The following LRRC37A2 variants were observed in gnomAD, a reference collection of about 807,000 sequenced individuals.
LRRC37A2 encodes leucine rich repeat containing 37 member A2, also known as leucine-rich repeat-containing protein 37A2.
LRRC37A2 carries 9 observed loss-of-function variants against 68.8 expected under a neutral mutation model. The ratio of observed to expected loss-of-function variants is 0.13; its 90% CI spans 0.08 to 0.23. The LOEUF is 0.23. Among genes scored for constraint, LRRC37A2 ranks in the 10% least tolerant of loss-of-function variants. The pLI, the probability that LRRC37A2 is intolerant of heterozygous loss-of-function variation, is 1.00. For synonymous variants in LRRC37A2, 63 were observed against 367.6 expected (o/e 0.17, Z 9.48); for missense variants, 168 against 950.4 (o/e 0.18, Z 10.82).
the LRRC37A2 span, among the ~76,000 whole-genome samples, chr17:46,977,196 C>A: frequency 6.6e-6 from 1 of 152,196 alleles, no homozygotes; most frequent in African/African-American, 2.4e-5. Flanking sequence ...GCCAAATACA[C>A]GGGATCGCAT....
chr17:47,005,801 GCATC>G, the LRRC37A2 span: 1 of 152,134 alleles, frequency 6.6e-6, no homozygotes, highest in Non-Finnish European at 1.5e-5. Context: ...TAAGAAAATA[GCATC>G]AAAGCCTCAG....
At chr17:46,907,654 T>C in the LRRC37A2 span, among the ~76,000 whole-genome samples, 2 of 118,226 alleles carry the variant, frequency 1.7e-5, no homozygotes, top group South Asian at 5.5e-4. Flanking sequence ...CTGGGCAACA[T>C]AGTGAAACCT....
At chr17:46,879,434 C>T in the LRRC37A2 span, among the ~76,000 whole-genome samples, 1 of 152,220 alleles carries the variant, frequency 6.6e-6, no homozygotes, top group Non-Finnish European at 1.5e-5. Context: ...AGGCCCCCTT[C>T]TTCTGCTCTG....
the LRRC37A2 span, among the ~76,000 whole-genome samples, chr17:46,569,071 T>C: frequency 9.2e-5 from 13 of 141,912 alleles, no homozygotes; most frequent in Non-Finnish European, 1.4e-4. Context: ...GCCTCCCGAG[T>C]AGCTGGGATT....
chr17:46,680,356 A>G, the LRRC37A2 span, among the ~76,000 whole-genome samples: 1 of 150,816 alleles, frequency 6.6e-6, no homozygotes, highest in Non-Finnish European at 1.5e-5. Context: ...ATCAGAGGGG[A>G]GTAATAGGCT....
At chr17:46,863,038 G>T in the LRRC37A2 span, among the ~76,000 whole-genome samples, 1 of 152,254 alleles carries the variant, frequency 6.6e-6, no homozygotes. Flanking sequence ...CCCCACAGGG[G>T]CTGAGGACCA....
chr17:46,956,122 T>C, the LRRC37A2 span, among the ~76,000 whole-genome samples: 2 of 152,054 alleles, frequency 1.3e-5, no homozygotes, highest in Non-Finnish European at 2.9e-5. Context: ...AGGGTCCATC[T>C]TAACCTTCAG....
At chr17:47,037,325 G>A in the LRRC37A2 span, among the ~76,000 whole-genome samples, 1 of 151,878 alleles carries the variant, frequency 6.6e-6, no homozygotes, top group South Asian at 2.1e-4. Flanking sequence ...GGCTGCTCTC[G>A]AACTCCTAAC....
At chr17:46,981,559 T>A in the LRRC37A2 span, among the ~76,000 whole-genome samples, 2 of 152,192 alleles carry the variant, frequency 1.3e-5, no homozygotes, top group East Asian at 3.8e-4. Flanking sequence ...GAGAAATTAA[T>A]TTCTATTTAT....
the LRRC37A2 span, among the ~76,000 whole-genome samples, chr17:46,873,066 A>T: frequency 6.7e-6 from 1 of 149,100 alleles, no homozygotes; most frequent in Non-Finnish European, 1.5e-5. Context: ...GGGGTCCCCC[A>T]GTTGTCTCCC....
the LRRC37A2 span, among the ~76,000 whole-genome samples, chr17:46,492,689 G>GTTTTTTTTTTT: frequency 9.1e-4 from 98 of 107,754 alleles, no homozygotes; most frequent in East Asian, 2.1e-3. Context: ...GTTTTGTTTT[G>GTTTTTTTTTTT]TTTTTTTTTT....
chr17:46,769,266 A>G, the LRRC37A2 span, among the ~76,000 whole-genome samples: 5 of 151,836 alleles, frequency 3.3e-5, no homozygotes, highest in East Asian at 9.7e-4. Context: ...CAGGGACCCA[A>G]GATCCAGCCA....
At chr17:46,990,674 C>G in the LRRC37A2 span, among the ~76,000 whole-genome samples, 1 of 149,536 alleles carries the variant, frequency 6.7e-6, no homozygotes, top group Non-Finnish European at 1.5e-5. Flanking sequence ...ACACAAAATG[C>G]TTTTTTTTTT....
chr17:46,989,045 AG>A, the LRRC37A2 span, among the ~76,000 whole-genome samples: 1 of 152,214 alleles, frequency 6.6e-6, no homozygotes, highest in Non-Finnish European at 1.5e-5. Context: ...TCTGTCCCTC[AG>A]CAGTTTAGCA....
chr17:47,005,767 G>A, the LRRC37A2 span: 2 of 152,112 alleles, frequency 1.3e-5, no homozygotes, highest in African/African-American at 4.8e-5. Flanking sequence ...TTCTGTCCCA[G>A]GCTTCTCCAC....
At chr17:46,739,793 G>C in the LRRC37A2 span, among the ~76,000 whole-genome samples, 1 of 151,790 alleles carries the variant, frequency 6.6e-6, no homozygotes, top group Non-Finnish European at 1.5e-5. Flanking sequence ...CTGCCTCCCG[G>C]GTTCAAGCAA....
chr17:46,585,332 A>G, the LRRC37A2 span, among the ~76,000 whole-genome samples: 5,559 of 63,592 alleles, frequency 0.087, 631 homozygotes, highest in Non-Finnish European at 0.16. Context: ...AAAAAAAAAA[A>G]AGAGAGAGAG....
chr17:46,900,202 T>TATACATACATATATATATATACACACAC, the LRRC37A2 span, among the ~76,000 whole-genome samples: 3 of 101,172 alleles, frequency 3.0e-5, 1 homozygote, highest in African/African-American at 1.5e-4. Context: ...TATATATATA[T>TATACATACATATATATATATACACACAC]ACACACACAC....
the LRRC37A2 span, among the ~76,000 whole-genome samples, chr17:46,719,608 A>G: frequency 2.0e-5 from 3 of 152,208 alleles, no homozygotes; most frequent in Non-Finnish European, 2.9e-5. This position sits in a 1 kb window ranked among gnomAD's most constrained non-coding sequence, Gnocchi z 4.3. Flanking sequence ...TGAAGTATTC[A>G]CAGACCTTCC....
Sources: allele counts gnomAD v4.1 joint callset (sites outside exome capture counted in the v4.1 genomes callset), GRCh38; gene constraint gnomAD v4.1.1; non-coding constraint Gnocchi (gnomAD v3.1); transcripts MANE v1.5; gene names NCBI Gene and HGNC (gene_info 2026-07-23, HGNC 2026-07-21).